NYAP2: variants seen among roughly 807,000 people sequenced by gnomAD.
NYAP2 encodes neuronal tyrosine-phosphorylated phosphoinositide-3-kinase adapter 2.
NYAP2 carries 23 observed loss-of-function variants against 50.4 expected under a neutral mutation model. That is an observed-to-expected ratio of 0.46 (90% CI 0.33 to 0.65). NYAP2 has a LOEUF of 0.65. Among genes scored for constraint, NYAP2 ranks in the 30% least tolerant of loss-of-function variants. The pLI is 0.02. For missense variants in NYAP2, 885 were observed against 861.0 expected (o/e 1.03, Z -0.35); for synonymous variants, 394 against 365.2 (o/e 1.08, Z -0.90).
the NYAP2 span, among the ~76,000 whole-genome samples, chr2:225,681,231 C>T: frequency 5.9e-5 from 9 of 152,292 alleles, no homozygotes; most frequent in East Asian, 1.7e-3. Context: ...TCTGCTGTTT[C>T]AGGCTCATAG....
Position 225,641,903 on chromosome 2 carries a change from C to G in NYAP2, c.1829-9529C>G, listed in dbSNP as rs1005359035. On this transcript the variant is annotated intron_variant, in intron 6 of 6. Transcript: ENST00000636099. ...TGGGGAAGGTGAACAGATGGAGAAA[C>G]ATGGCTTTTTATCCATGTGAAACAT... Among the ~76,000 whole-genome samples, 13 of 151,378 alleles carry G rather than the reference C, an allele frequency of 8.6e-5. No homozygotes were observed. In the East Asian group the frequency reaches 2.3e-3, roughly 27 times the overall value.
intron 3 of NYAP2, among the ~76,000 whole-genome samples, chr2:225,464,900 C>T (rs545071041): frequency 3.3e-5 from 5 of 152,144 alleles, no homozygotes; most frequent in Admixed American, 1.3e-4. Flanking sequence ...TTTCCTCTTT[C>T]CTCTGAAACT....
the NYAP2 span, among the ~76,000 whole-genome samples, chr2:225,674,642 G>A: frequency 6.6e-6 from 1 of 152,016 alleles, no homozygotes; most frequent in Non-Finnish European, 1.5e-5. Flanking sequence ...CATGTCATTA[G>A]TCTGTTGATT....
chr2:225,687,797 C>T, the NYAP2 span, among the ~76,000 whole-genome samples: 1 of 152,094 alleles, frequency 6.6e-6, no homozygotes, highest in South Asian at 2.1e-4. Flanking sequence ...GCATGTTGTA[C>T]CCAGTACGTA....
chr2:225,683,868 A>T, the NYAP2 span, among the ~76,000 whole-genome samples: 1 of 152,072 alleles, frequency 6.6e-6, no homozygotes, highest in Non-Finnish European at 1.5e-5. Flanking sequence ...CTCATAAGGG[A>T]CGTTCATTTT....
At chr2:225,441,681 C>T (rs1016499932) in intron 3 of NYAP2, among the ~76,000 whole-genome samples, 1 of 152,086 alleles carries the variant, frequency 6.6e-6, no homozygotes, top group Non-Finnish European at 1.5e-5. Flanking sequence ...CAAGAACTCC[C>T]TAACTATCAT....
chr2:225,598,052 A>C (rs1182907173), intron 5 of NYAP2, among the ~76,000 whole-genome samples: 1 of 152,152 alleles, frequency 6.6e-6, no homozygotes, highest in East Asian at 1.9e-4. Flanking sequence ...AATGCAAGCC[A>C]TTCTCTGTTC....
At chr2:225,693,730 T>C in the NYAP2 span, among the ~76,000 whole-genome samples, 1 of 151,892 alleles carries the variant, frequency 6.6e-6, no homozygotes. Context: ...CACCTCCCAA[T>C]CACCTTGAGG....
the NYAP2 span, among the ~76,000 whole-genome samples, chr2:225,687,224 G>C: frequency 1.3e-5 from 2 of 152,126 alleles, no homozygotes; most frequent in Non-Finnish European, 2.9e-5. Flanking sequence ...AATAGGGCAT[G>C]CTTAAGAGTT....
chr2:225,535,136 C>T (rs901586597), intron 4 of NYAP2, among the ~76,000 whole-genome samples: 1 of 152,212 alleles, frequency 6.6e-6, no homozygotes, highest in Non-Finnish European at 1.5e-5. Flanking sequence ...GCATGTTCTG[C>T]AGCAGCTGAG....
intron 3 of NYAP2, among the ~76,000 whole-genome samples, chr2:225,457,773 C>A (rs1050214870): frequency 2.0e-5 from 3 of 152,122 alleles, no homozygotes; most frequent in African/African-American, 7.2e-5. Context: ...GACCAAAGGT[C>A]ATGTGGCAGG....
chr2:225,459,236 G>A (rs1435391233), intron 3 of NYAP2, among the ~76,000 whole-genome samples: 2 of 152,292 alleles, frequency 1.3e-5, no homozygotes, highest in Non-Finnish European at 2.9e-5. Flanking sequence ...TTGTGCTAAT[G>A]TTATTGATAT....
intron 6 of NYAP2, among the ~76,000 whole-genome samples, chr2:225,638,752 A>G (rs1290351777): frequency 6.6e-6 from 1 of 152,212 alleles, no homozygotes; most frequent in Non-Finnish European, 1.5e-5. Flanking sequence ...GAGAGACACT[A>G]GCCCGTGCCA....
chr2:225,462,450 A>G (rs1366503186), intron 3 of NYAP2, among the ~76,000 whole-genome samples: 2 of 152,004 alleles, frequency 1.3e-5, no homozygotes, highest in East Asian at 1.9e-4. Context: ...AGTTTTACCC[A>G]TTATCCTGAC....
intron 5 of NYAP2, among the ~76,000 whole-genome samples, chr2:225,614,528 A>G (rs1479552500): frequency 6.6e-6 from 1 of 152,212 alleles, no homozygotes; most frequent in East Asian, 1.9e-4. Flanking sequence ...TACTCAATAA[A>G]GAGTATGAGT....
intron 3 of NYAP2, among the ~76,000 whole-genome samples, chr2:225,458,826 G>A (rs1309160925): frequency 6.6e-6 from 1 of 152,200 alleles, no homozygotes. Flanking sequence ...AGCTGTGTTG[G>A]TTTTAAAGTA....
At chr2:225,593,337 C>G (rs1282997903) in intron 5 of NYAP2, among the ~76,000 whole-genome samples, 1 of 152,208 alleles carries the variant, frequency 6.6e-6, no homozygotes, top group Admixed American at 6.5e-5. Flanking sequence ...TGAGTCCCTT[C>G]TGGCTTGGCT....
intron 3 of NYAP2, among the ~76,000 whole-genome samples, chr2:225,494,067 T>A (rs912719644): frequency 2.0e-5 from 3 of 152,260 alleles, no homozygotes; most frequent in African/African-American, 7.2e-5. Context: ...CACTCTTTAC[T>A]ACTTAGTTAT....
chr2:225,652,978 T>TTTAAATGCCTTTATATAAATG (rs567263384), exon 7 of NYAP2: 148 of 152,332 alleles, frequency 9.7e-4, no homozygotes, highest in African/African-American at 3.6e-3. Context: ...TAATTTAAAA[T>TTTAAATGCCTTTATATAAATG]TTAAATGCCT....
Sources: allele counts gnomAD v4.1 joint callset (sites outside exome capture counted in the v4.1 genomes callset), GRCh38; gene constraint gnomAD v4.1.1; transcripts MANE v1.5; gene names NCBI Gene and HGNC (gene_info 2026-07-23, HGNC 2026-07-21).